Variants in PAPPA2 observed in about 807,000 individuals in gnomAD.
PAPPA2 encodes pappalysin 2.
A neutral mutation model predicts 176.4 loss-of-function variants in PAPPA2; 86 were observed. That is an observed-to-expected ratio of 0.49 (90% CI 0.41 to 0.58). The LOEUF is 0.58. PAPPA2 is among the 20% of genes least tolerant of loss of function. The probability of loss-of-function intolerance (pLI) is 0.00; values close to 1 mark genes in which losing one functional copy is unlikely to be tolerated. For missense variants in PAPPA2, 2,073 were observed against 2,256.9 expected (o/e 0.92, Z 1.65); for synonymous variants, 809 against 852.2 (o/e 0.95, Z 0.88).
At chr1:176,669,211 G>A (rs1376562722) in intron 3 of PAPPA2, among the ~76,000 whole-genome samples, 2 of 152,182 alleles carry the variant, frequency 1.3e-5, no homozygotes, top group African/African-American at 2.4e-5. Flanking sequence ...GAGAAAGGAT[G>A]TGGCTTTTCT....
chr1:176,747,365 A>T (rs1336469968), intron 14 of PAPPA2, among the ~76,000 whole-genome samples: 2 of 152,208 alleles, frequency 1.3e-5, no homozygotes, highest in African/African-American at 4.8e-5. Flanking sequence ...AATTGTAAAG[A>T]TACTTTGGAC....
chr1:176,698,255 C>T (rs1017765451), intron 7 of PAPPA2, among the ~76,000 whole-genome samples: 4 of 152,102 alleles, frequency 2.6e-5, no homozygotes, highest in Non-Finnish European at 5.9e-5. Context: ...CCTAGTAAGG[C>T]GGGGCTAAAC....
intron 3 of PAPPA2, among the ~76,000 whole-genome samples, chr1:176,604,470 A>G (rs1654505710): frequency 6.6e-6 from 1 of 152,246 alleles, no homozygotes; most frequent in Non-Finnish European, 1.5e-5. Context: ...TTGGCAAACC[A>G]TGGACCATGG....
intron 18 of PAPPA2, among the ~76,000 whole-genome samples, chr1:176,790,638 C>T (rs1274875459): frequency 6.6e-6 from 1 of 151,918 alleles, no homozygotes; most frequent in Non-Finnish European, 1.5e-5. Flanking sequence ...AAAATGAGAC[C>T]CCTGAGAAAT....
Position 176,656,826 on chromosome 1 carries a change from C to A in PAPPA2, c.1992-14144C>A, listed in dbSNP as rs192754588. Among the ~76,000 whole-genome samples, 65 of 151,748 alleles carry A rather than the reference C, an allele frequency of 4.3e-4. 1 individual carries two copies. In the East Asian group the frequency reaches 0.013, roughly 30 times the overall value. On this transcript the variant is annotated intron_variant, in intron 3 of 22. Transcript: ENST00000367662. Reference sequence around the variant, plus strand: ...ACCAGAAGTCAGTTATTTTTGACAGCATACATGCACTAAACTGAACTCTAG... The same window carrying A: ...ACCAGAAGTCAGTTATTTTTGACAGAATACATGCACTAAACTGAACTCTAG...
intron 12 of PAPPA2, among the ~76,000 whole-genome samples, chr1:176,713,350 C>T (rs749084736): frequency 5.4e-4 from 82 of 152,064 alleles, no homozygotes; most frequent in Non-Finnish European, 9.9e-4. Context: ...GAGATGGAGT[C>T]TAGAAAAGGC....
intron 2 of PAPPA2, among the ~76,000 whole-genome samples, chr1:176,565,833 A>G (rs1239368489): frequency 6.6e-6 from 1 of 152,174 alleles, no homozygotes; most frequent in Non-Finnish European, 1.5e-5. Context: ...TCTGATGCTG[A>G]CGCCTCTGAA....
chr1:176,818,885 C>T (rs1666518136), intron 21 of PAPPA2, among the ~76,000 whole-genome samples: 2 of 152,224 alleles, frequency 1.3e-5, no homozygotes, highest in African/African-American at 4.8e-5. Flanking sequence ...ACCATCTTCA[C>T]TCTCTTGTTC....
chr1:176,767,681 T>C (rs1463099279), intron 15 of PAPPA2, among the ~76,000 whole-genome samples: 1 of 152,132 alleles, frequency 6.6e-6, no homozygotes, highest in Non-Finnish European at 1.5e-5. Context: ...TGGCTCATTG[T>C]AGTTAGAGCC....
intron 14 of PAPPA2, among the ~76,000 whole-genome samples, chr1:176,763,324 T>C (rs1487959157): frequency 6.6e-6 from 1 of 152,210 alleles, no homozygotes; most frequent in Non-Finnish European, 1.5e-5. Context: ...ATGTATTCCC[T>C]AAGAGCATGG....
Position 176,816,241 on chromosome 1 carries a change from G to GTGTATA in PAPPA2, c.5202+16110_5202+16111insGTATAT, listed in dbSNP as rs371109914. ...ATATAAAATTTATGTGTGTGTGTGT[G>GTGTATA]TATATATATATATATGTATGTATGT... On this transcript the variant is annotated intron_variant, in intron 21 of 22. Coordinates refer to ENST00000367662, the MANE Select transcript of PAPPA2 (RefSeq NM_020318.3). Among the ~76,000 whole-genome samples, 145 of 113,514 alleles carry GTGTATA rather than the reference G, an allele frequency of 1.3e-3. 1 individual carries two copies. The highest frequency in any genetic ancestry group is 5.3e-3 in the East Asian group (21 of 3,936). The allele number at this position is 113,514 out of a possible 152,430, so 74.5% of individuals were successfully genotyped here. A position where few individuals can be genotyped will look rare whatever the true frequency, so the allele number is the denominator to read the frequency against.
At chr1:176,563,413 G>C (rs766994100) in intron 2 of PAPPA2, among the ~76,000 whole-genome samples, 2 of 152,204 alleles carry the variant, frequency 1.3e-5, no homozygotes, top group Non-Finnish European at 2.9e-5. Flanking sequence ...CAGAACTCTA[G>C]AGCAGGGGTT....
rs192706588 is a variant in PAPPA2, at chr1:176,731,716, C to T, written c.3799-7910C>T. Among the ~76,000 whole-genome samples, 103 of 143,646 alleles carry T rather than the reference C, an allele frequency of 7.2e-4. No homozygotes were observed. The East Asian group carries it at 0.018, about 25-fold the overall frequency. 94.2% of individuals were successfully genotyped at this position (143,646 alleles called of 152,430 possible). ...ATGTGTACATATATGTGTATATATACACACATATATGTGTACATATACATG... is the reference window on the plus strand; with the variant it reads ...ATGTGTACATATATGTGTATATATATACACATATATGTGTACATATACATG... On this transcript the variant is annotated intron_variant, in intron 12 of 22. Transcript: ENST00000367662.
At chr1:176,689,967 G>A (rs1660029343) in intron 4 of PAPPA2, among the ~76,000 whole-genome samples, 170 bp from the exon 5 acceptor site, 3 of 152,178 alleles carry the variant, frequency 2.0e-5, no homozygotes, top group South Asian at 4.1e-4. Context: ...AATTTGTTTA[G>A]AGGGTTTCTG....
At chr1:176,635,985 T>C (rs1006437178) in intron 3 of PAPPA2, among the ~76,000 whole-genome samples, 1 of 152,170 alleles carries the variant, frequency 6.6e-6, no homozygotes, top group African/African-American at 2.4e-5. Flanking sequence ...CCACAGATCC[T>C]GGAATGCCAA....
intron 14 of PAPPA2, among the ~76,000 whole-genome samples, chr1:176,758,936 C>A (rs1423283437): frequency 6.6e-6 from 1 of 152,192 alleles, no homozygotes; most frequent in African/African-American, 2.4e-5. Context: ...TCAACCCCAT[C>A]ATTTTACTAA....
chr1:176,826,242 T>C (rs77895538), intron 21 of PAPPA2, among the ~76,000 whole-genome samples: 3,010 of 152,216 alleles, frequency 0.02, 96 homozygotes, highest in African/African-American at 0.069. Flanking sequence ...GAGATGAAGA[T>C]GGAGTGCTGA....
At chr1:176,793,273 A>G (rs941381714) in intron 19 of PAPPA2, among the ~76,000 whole-genome samples, 7 of 152,188 alleles carry the variant, frequency 4.6e-5, no homozygotes, top group African/African-American at 1.7e-4. Flanking sequence ...TTACTACATC[A>G]TGTAGAAATT....
Position 176,739,754 on chromosome 1 carries a change from C to T in PAPPA2, c.3927C>T (p.His1309=). 2.5e-6 allele frequency: 4 copies of T among 1,613,610 alleles called. No individual in the cohort carries two copies. Among genetic ancestry groups the T allele is most frequent in the Non-Finnish European group, 1.7e-6 (2 of 1,179,768 alleles). Reference sequence around the variant, plus strand: ...TGACCGATGTCCGTGGAAGCAACCACTCTCTTGGTGAGTCTGACAAATATC... The same window carrying T: ...TGACCGATGTCCGTGGAAGCAACCATTCTCTTGGTGAGTCTGACAAATATC... ...LYLTDVRGSN[H]SLGTYGLSCQ... The change falls in exon 13 of 23, where the codon CAC becomes CAT. Residue 1309 remains histidine, a synonymous_variant. Transcript: ENST00000367662.
Sources: gnomAD v4.1 joint callset for allele counts (sites outside exome capture counted in the v4.1 genomes callset) on GRCh38, gnomAD v4.1.1 for gene constraint, MANE v1.5 for transcripts, NCBI Gene and HGNC (gene_info 2026-07-23, HGNC 2026-07-21) for gene names.